The following XKR9 variants were observed in gnomAD, a reference collection of about 807,000 sequenced individuals.
XKR9 encodes the protein XK related 9.
In XKR9, 32 loss-of-function variants were observed where a neutral mutation model predicts 32.0. That is an observed-to-expected ratio of 1.00 (90% CI 0.76 to 1.34). The LOEUF (loss-of-function observed/expected upper bound fraction) is 1.34, where lower values mean the gene tolerates loss of function less well. XKR9 is among the 40% of genes most tolerant of loss of function. XKR9 has a pLI of 0.00. For missense variants in XKR9, 546 were observed against 429.7 expected (o/e 1.27, Z -2.39); for synonymous variants, 168 against 143.4 (o/e 1.17, Z -1.22).
the XKR9 span, among the ~76,000 whole-genome samples, chr8:70,889,327 G>A: frequency 3.3e-5 from 5 of 151,508 alleles, no homozygotes; most frequent in African/African-American, 9.7e-5. Context: ...TACTCAATTT[G>A]TCAGTTCTAA....
At chr8:70,867,142 G>A in the XKR9 span, among the ~76,000 whole-genome samples, 4 of 152,182 alleles carry the variant, frequency 2.6e-5, no homozygotes, top group African/African-American at 9.7e-5. Flanking sequence ...GCAAGGAGGA[G>A]CAAGTCACAT....
In XKR9 at chr8:70,700,854, A is replaced by T. The variant is rs7003123; in HGVS notation, c.273-6079A>T. Among the ~76,000 whole-genome samples the T allele has an allele frequency of 4.6e-5, 7 of 151,836 alleles. No homozygotes were observed. In the South Asian group the frequency reaches 1.4e-3, roughly 31 times the overall value. The stretch of plus-strand genomic sequence containing the variant: ...GGGCTCCACGCAGTTTGAGCTTCCC[A>T]GCTGCTTTGTTTACCTGAGCAAGCC... On this transcript the variant is annotated intron_variant, in intron 3 of 4. Transcript: ENST00000408926.
chr8:70,904,685 C>T, the XKR9 span, among the ~76,000 whole-genome samples: 1 of 152,062 alleles, frequency 6.6e-6, no homozygotes, highest in African/African-American at 2.4e-5. Flanking sequence ...GGTTATTTTG[C>T]CTGTTAGTTG....
the XKR9 span, among the ~76,000 whole-genome samples, chr8:70,887,380 T>G: frequency 1.3e-5 from 2 of 152,156 alleles, no homozygotes; most frequent in African/African-American, 4.8e-5. Context: ...TTGTTCTTTT[T>G]GCTTAGAATT....
the XKR9 span, among the ~76,000 whole-genome samples, chr8:71,040,519 G>A: frequency 6.6e-6 from 1 of 152,086 alleles, no homozygotes; most frequent in Non-Finnish European, 1.5e-5. Flanking sequence ...AAAGCCCAAA[G>A]GCTCTTCTAG....
chr8:71,043,964 G>T, the XKR9 span, among the ~76,000 whole-genome samples: 1 of 152,066 alleles, frequency 6.6e-6, no homozygotes, highest in East Asian at 1.9e-4. Flanking sequence ...ATGGCTTAAG[G>T]TTAAACAAAA....
chr8:71,033,542 G>A, the XKR9 span, among the ~76,000 whole-genome samples: 1 of 152,122 alleles, frequency 6.6e-6, no homozygotes, highest in African/African-American at 2.4e-5. Context: ...GGCAATGTTG[G>A]GATGTGGGGC....
the XKR9 span, among the ~76,000 whole-genome samples, chr8:70,821,087 T>C: frequency 6.6e-6 from 1 of 152,158 alleles, no homozygotes; most frequent in African/African-American, 2.4e-5. Context: ...CAAAAGCAAG[T>C]TTGTTACTTC....
the XKR9 span, among the ~76,000 whole-genome samples, chr8:70,846,276 T>C: frequency 8.5e-5 from 13 of 152,188 alleles, no homozygotes; most frequent in African/African-American, 2.6e-4. Flanking sequence ...TTCTCACCAC[T>C]AGACTGAATC....
chr8:70,955,477 T>A, the XKR9 span, among the ~76,000 whole-genome samples: 5 of 152,256 alleles, frequency 3.3e-5, no homozygotes, highest in African/African-American at 4.8e-5. Context: ...TCACTTCAAT[T>A]ATATTGAATC....
chr8:70,855,737 G>T, the XKR9 span, among the ~76,000 whole-genome samples: 1 of 152,218 alleles, frequency 6.6e-6, no homozygotes, highest in African/African-American at 2.4e-5. Flanking sequence ...GAAAGGTTGG[G>T]TTACCCACAA....
At chr8:70,991,882 C>T in the XKR9 span, among the ~76,000 whole-genome samples, 1 of 151,510 alleles carries the variant, frequency 6.6e-6, no homozygotes, top group Admixed American at 6.6e-5. Flanking sequence ...GAAAGTATTT[C>T]TGTCTTCTTT....
chr8:70,719,198 A>G (rs1461577859), intron 4 of XKR9, among the ~76,000 whole-genome samples: 3 of 151,714 alleles, frequency 2.0e-5, no homozygotes, highest in Admixed American at 6.6e-5. Flanking sequence ...TAGATTCTGG[A>G]TATTAGCCCT....
At chr8:71,048,333 G>A in the XKR9 span, among the ~76,000 whole-genome samples, 7 of 152,154 alleles carry the variant, frequency 4.6e-5, no homozygotes, top group Non-Finnish European at 7.4e-5. Context: ...ACACCACATC[G>A]TTTAGAGCTG....
At chr8:70,739,133 T>C (rs36167700), downstream of XKR9, among the ~76,000 whole-genome samples, 49,656 of 151,286 alleles carry the variant, frequency 0.33, 9,237 homozygotes, top group Non-Finnish European at 0.43. Flanking sequence ...CAGGACTTGC[T>C]TTATGAATCT....
At chr8:70,719,540 A>G (rs541510588) in intron 4 of XKR9, among the ~76,000 whole-genome samples, 36 of 152,186 alleles carry the variant, frequency 2.4e-4, no homozygotes, top group African/African-American at 8.4e-4. Flanking sequence ...CAGTTTCCCA[A>G]CACCATTTAT....
the XKR9 span, among the ~76,000 whole-genome samples, chr8:70,960,215 A>C: frequency 6.6e-6 from 1 of 151,688 alleles, no homozygotes; most frequent in African/African-American, 2.4e-5. Context: ...ATTGCACTTC[A>C]GCCTGGGCAA....
At chr8:70,810,465 G>A in the XKR9 span, among the ~76,000 whole-genome samples, 84 of 152,196 alleles carry the variant, frequency 5.5e-4, no homozygotes, top group African/African-American at 1.6e-3. Context: ...GTAAATGGGC[G>A]AAATGCTCCA....
the XKR9 span, among the ~76,000 whole-genome samples, chr8:70,923,160 A>G: frequency 6.6e-6 from 1 of 152,212 alleles, no homozygotes; most frequent in Non-Finnish European, 1.5e-5. Context: ...TGAAGGAAGA[A>G]CCAGTGTGCT....
Sources: allele counts gnomAD v4.1 joint callset (sites outside exome capture counted in the v4.1 genomes callset), GRCh38; gene constraint gnomAD v4.1.1; transcripts MANE v1.5; gene names NCBI Gene and HGNC (gene_info 2026-07-23, HGNC 2026-07-21).